The following DCC variants were observed in gnomAD, a reference collection of about 807,000 sequenced individuals.
The protein encoded by DCC is DCC netrin 1 receptor.
DCC carries 58 observed loss-of-function variants against 172.5 expected under a neutral mutation model. The ratio of observed to expected loss-of-function variants is 0.34; its 90% CI spans 0.27 to 0.42. The LOEUF (loss-of-function observed/expected upper bound fraction) is 0.42, where lower values mean the gene tolerates loss of function less well. Among genes scored for constraint, DCC ranks in the 10% least tolerant of loss-of-function variants. The pLI is 1.00. For missense variants in DCC, 1,740 were observed against 1,791.0 expected (o/e 0.97, Z 0.51); for synonymous variants, 709 against 644.5 (o/e 1.10, Z -1.52).
intron 2 of DCC, among the ~76,000 whole-genome samples, chr18:52,887,630 A>G (rs1173296086): frequency 6.6e-6 from 1 of 152,212 alleles, no homozygotes; most frequent in East Asian, 1.9e-4. Context: ...CTTTTATAAT[A>G]CAATCCCTGT....
At chr18:53,211,400 G>C (rs1485770035) in intron 11 of DCC, among the ~76,000 whole-genome samples, 4 of 152,152 alleles carry the variant, frequency 2.6e-5, no homozygotes, top group East Asian at 1.9e-4. Context: ...TCTATGATAA[G>C]TGCCTTTAAA....
chr18:53,204,088 A>C (rs571271353), intron 9 of DCC, among the ~76,000 whole-genome samples: 77 of 140,548 alleles, frequency 5.5e-4, no homozygotes, highest in Non-Finnish European at 8.4e-4. Flanking sequence ...CATTTGATTA[A>C]CAATGTAAAC....
chr18:53,192,916 G>C (rs1315794462), intron 9 of DCC, among the ~76,000 whole-genome samples: 1 of 152,122 alleles, frequency 6.6e-6, no homozygotes, highest in Non-Finnish European at 1.5e-5. Flanking sequence ...ATGCAAATCT[G>C]TATTGCAGGA....
intron 1 of DCC, among the ~76,000 whole-genome samples, chr18:52,604,420 C>T (rs890439031): frequency 6.6e-6 from 1 of 152,128 alleles, no homozygotes; most frequent in African/African-American, 2.4e-5. Flanking sequence ...TTTTTCTTCC[C>T]TCCCAGTAAT....
chr18:52,840,181 T>C (rs1377068313), intron 2 of DCC, among the ~76,000 whole-genome samples: 1 of 152,202 alleles, frequency 6.6e-6, no homozygotes, highest in Non-Finnish European at 1.5e-5. Flanking sequence ...CACATTTCAT[T>C]GCCCAACTGT....
At chr18:52,462,735 T>C (rs1273854270) in intron 1 of DCC, among the ~76,000 whole-genome samples, 1 of 152,162 alleles carries the variant, frequency 6.6e-6, no homozygotes, top group Non-Finnish European at 1.5e-5. Flanking sequence ...TACACTAAAA[T>C]GTAAGCTCCA....
At chr18:52,679,985 C>A (rs2035716487) in intron 1 of DCC, among the ~76,000 whole-genome samples, 1 of 151,788 alleles carries the variant, frequency 6.6e-6, no homozygotes, top group Admixed American at 6.6e-5. Context: ...CGGAATTCCA[C>A]CACTGGAAAG....
At position 53,402,896 on chromosome 18, in the gene DCC, A is replaced by G. The variant is rs780812814; in HGVS notation, c.2935+3A>G. On this transcript the variant is annotated splice_donor_region_variant and intron_variant, in intron 19 of 28. Transcript: ENST00000442544. ...GGAAGCCAATGGGAAAATTACTGGT[A>G]AGCATCTCCACTTTCTCTCCCAGCA... 3 of 1,595,958 alleles carry G rather than the reference A, an allele frequency of 1.9e-6. No individual in the cohort carries two copies. Among genetic ancestry groups the G allele is most frequent in the Non-Finnish European group, 2.6e-6 (3 of 1,163,614 alleles).
At chr18:52,740,905 G>C (rs1299058817) in intron 1 of DCC, among the ~76,000 whole-genome samples, 1 of 152,124 alleles carries the variant, frequency 6.6e-6, no homozygotes, top group Non-Finnish European at 1.5e-5. Flanking sequence ...TTTTCTGTAA[G>C]TAGCAAAGTT....
intron 2 of DCC, among the ~76,000 whole-genome samples, chr18:52,894,351 C>A (rs1406745812): frequency 6.6e-6 from 1 of 151,640 alleles, no homozygotes; most frequent in Non-Finnish European, 1.5e-5. Flanking sequence ...TATTAGATGT[C>A]CAATAAATGC....
intron 2 of DCC, among the ~76,000 whole-genome samples, chr18:52,898,652 T>C (rs1943108): frequency 0.086 from 13,026 of 152,094 alleles, 936 homozygotes; most frequent in East Asian, 0.3. Context: ...TTGATGTCCC[T>C]ACAGATTTAG....
At chr18:52,395,392 G>A (rs1488391400) in intron 1 of DCC, among the ~76,000 whole-genome samples, 1 of 152,018 alleles carries the variant, frequency 6.6e-6, no homozygotes, top group East Asian at 1.9e-4. Context: ...GTATTGCTCG[G>A]TATGTGGGTT....
intron 21 of DCC, among the ~76,000 whole-genome samples, chr18:53,427,073 T>C (rs1911018466): frequency 6.6e-6 from 1 of 152,232 alleles, no homozygotes; most frequent in Non-Finnish European, 1.5e-5. Context: ...GGGGAGGCTT[T>C]TATGGATCAT....
At chr18:52,790,660 T>A (rs2037744915) in intron 2 of DCC, among the ~76,000 whole-genome samples, 1 of 152,210 alleles carries the variant, frequency 6.6e-6, no homozygotes. Flanking sequence ...AAAGAGGTAC[T>A]GCTTCCTTTC....
At chr18:53,023,942 A>G (rs1304768925) in intron 5 of DCC, among the ~76,000 whole-genome samples, 2 of 152,086 alleles carry the variant, frequency 1.3e-5, no homozygotes, top group Non-Finnish European at 2.9e-5. Context: ...TATCTGGAAA[A>G]TTTAGTCTAA....
intron 2 of DCC, among the ~76,000 whole-genome samples, chr18:52,889,227 T>A (rs2039613868): frequency 6.6e-6 from 1 of 152,116 alleles, no homozygotes; most frequent in African/African-American, 2.4e-5. Context: ...AATGATTGAA[T>A]ATATTTGATC....
intron 14 of DCC, among the ~76,000 whole-genome samples, chr18:53,334,633 A>G (rs2057571338): frequency 6.6e-6 from 1 of 152,198 alleles, no homozygotes; most frequent in Admixed American, 6.5e-5. Context: ...TTCTGTCTCC[A>G]TGAATTTAAC....
chr18:53,274,084 C>CA (rs1464888499), intron 12 of DCC, among the ~76,000 whole-genome samples: 1 of 151,950 alleles, frequency 6.6e-6, no homozygotes, highest in Admixed American at 6.6e-5. Flanking sequence ...AAGGAGGGGG[C>CA]AAAACAGGAG....
chr18:52,377,521 G>A (rs1324596422), intron 1 of DCC, among the ~76,000 whole-genome samples: 4 of 152,072 alleles, frequency 2.6e-5, no homozygotes, highest in African/African-American at 4.8e-5. Context: ...TTCACTGCTA[G>A]CATTTAGATA....
Sources: gnomAD v4.1 joint callset for allele counts (sites outside exome capture counted in the v4.1 genomes callset) on GRCh38, gnomAD v4.1.1 for gene constraint, MANE v1.5 for transcripts, NCBI Gene and HGNC (gene_info 2026-07-23, HGNC 2026-07-21) for gene names.